The following MAP4K2 variants were observed in gnomAD, a reference collection of about 807,000 sequenced individuals.
The protein encoded by MAP4K2 is mitogen-activated protein kinase kinase kinase kinase 2.
In MAP4K2, 85 loss-of-function variants were observed where a neutral mutation model predicts 125.3. The ratio of observed to expected loss-of-function variants is 0.68; its 90% CI spans 0.57 to 0.81. The LOEUF is 0.81. Ranked by LOEUF, MAP4K2 falls within the 40% of genes least tolerant of loss-of-function variation. The pLI is 0.00. For missense variants in MAP4K2, 923 were observed against 1,056.4 expected (o/e 0.87, Z 1.75); for synonymous variants, 479 against 445.1 (o/e 1.08, Z -0.96).
Position 64,800,772 on chromosome 11 carries a change from C to A in MAP4K2, c.717G>T (p.Lys239Asn). 6.2e-7 allele frequency: 1 copy of A among 1,606,304 alleles called. No individual in the cohort carries two copies. Among genetic ancestry groups the A allele is most frequent in the Non-Finnish European group, 8.5e-7 (1 of 1,176,454 alleles). ...CAGGGTGTGGCCCTTACCAGCGAGT[C>A]TTATCTCTCAGTTTGGGCGGCTGGA... ...SSFQPPKLRD[K>N]TRWTQNFHHF... The change falls in exon 10 of 32, where the codon AAG becomes AAT. Residue 239 changes from lysine (K) to asparagine (N), a missense_variant. By Grantham distance (94) the Lys-to-Asn change is moderately conservative. Around this residue, in one of 2 missense-constraint regions of MAP4K2, gnomAD observed 833 missense variants for 911.4 expected, o/e 0.91. Coordinates refer to ENST00000294066, the MANE Select transcript of MAP4K2 (RefSeq NM_004579.5).
chr11:64,801,482 CAAAG>C lies in MAP4K2; in HGVS notation c.457+93_457+96del. 7 of 1,390,978 alleles carry C rather than the reference CAAAG, an allele frequency of 5.0e-6. No individual in the cohort carries two copies. The South Asian group carries it at 8.6e-5, about 17-fold the overall frequency. 86.2% of individuals were successfully genotyped at this position (1,390,978 alleles called of 1,614,324 possible). A position where few individuals can be genotyped will look rare whatever the true frequency, so the allele number is the denominator to read the frequency against. On this transcript the variant is annotated intron_variant, in intron 7 of 31. Coordinates refer to ENST00000294066, the MANE Select transcript of MAP4K2 (RefSeq NM_004579.5). ...AGCAGGGAAACTGAGACTCAAGTGG[CAAAG>C]TGACTTGCCCAGTGACACCCAACCC...
In MAP4K2 at chr11:64,797,103, C is replaced by T; in HGVS notation, c.1365+1G>A. The T allele has an allele frequency of 1.2e-6, 2 of 1,614,178 alleles. No individual in the cohort carries two copies. The highest frequency in any genetic ancestry group is 2.2e-5 in the East Asian group (1 of 44,884). ...CCCACCCCACTGTAGCACCCTCTTA[C>T]CTCAGGATCCTCCCGCTGCTTCATG... On this transcript the variant is annotated splice_donor_variant, in intron 19 of 31. Coordinates refer to ENST00000294066, the MANE Select transcript of MAP4K2 (RefSeq NM_004579.5). LOFTEE classifies it high-confidence loss of function.
At chr11:64,793,826 G>A (rs2136040795) in intron 24 of MAP4K2, among the ~76,000 whole-genome samples, 1 of 152,318 alleles carries the variant, frequency 6.6e-6, no homozygotes, top group East Asian at 1.9e-4. Context: ...CCGAACACAA[G>A]CTCAAAGCTG....
At chr11:64,797,962 C>A (rs1258020256) in intron 15 of MAP4K2, among the ~76,000 whole-genome samples, 1 of 151,456 alleles carries the variant, frequency 6.6e-6, no homozygotes, top group Non-Finnish European at 1.5e-5. Flanking sequence ...ACCTCGGCCT[C>A]CCAAAGTGCT....
At chr11:64,791,402 G>A (rs1284346765) in intron 27 of MAP4K2, among the ~76,000 whole-genome samples, 1 of 152,122 alleles carries the variant, frequency 6.6e-6, no homozygotes, top group Non-Finnish European at 1.5e-5. Context: ...TTTGTTTTGA[G>A]ATAGGGTCTC....
At chr11:64,792,720 C>T (rs1037624274) in intron 24 of MAP4K2, among the ~76,000 whole-genome samples, 1 of 152,086 alleles carries the variant, frequency 6.6e-6, no homozygotes, top group Non-Finnish European at 1.5e-5. Context: ...GCCTCAGTTT[C>T]GTCATCTGTA....
At chr11:64,798,644 A>G (rs774654535) in intron 15 of MAP4K2, 150 bp downstream of exon 15, 21 of 749,632 alleles carry the variant, frequency 2.8e-5, no homozygotes, top group South Asian at 1.8e-4. Context: ...CATGTTGGCA[A>G]AGCTGGTCTT....
chr11:64,794,895 T>C (rs1017109928), intron 24 of MAP4K2, among the ~76,000 whole-genome samples: 1 of 151,854 alleles, frequency 6.6e-6, no homozygotes, highest in Non-Finnish European at 1.5e-5. Context: ...TTTCCCTTTT[T>C]CTTTTTTTTG....
intron 4 of MAP4K2, 116 bp from the exon 5 acceptor site, chr11:64,802,237 T>C (rs761626789): frequency 9.0e-6 from 10 of 1,105,652 alleles, no homozygotes; most frequent in African/African-American, 1.5e-5. Context: ...GTTGGCCACG[T>C]CCCCTCCCAG....
At chr11:64,802,311 G>A in intron 4 of MAP4K2, 108 bp downstream of exon 4, 1 of 1,214,702 alleles carries the variant, frequency 8.2e-7, no homozygotes, top group South Asian at 1.4e-5. Flanking sequence ...CAGCCAGGCA[G>A]GAGTGGAGAG....
At chr11:64,793,968 G>C (rs1467111858) in intron 24 of MAP4K2, among the ~76,000 whole-genome samples, 1 of 152,168 alleles carries the variant, frequency 6.6e-6, no homozygotes, top group African/African-American at 2.4e-5. Flanking sequence ...TGAGCACGTT[G>C]CAGGAAGGGG....
intron 24 of MAP4K2, 141 bp from the exon 25 acceptor site, chr11:64,792,563 CA>C (rs1316143014): frequency 1.4e-6 from 1 of 714,114 alleles, no homozygotes; most frequent in Non-Finnish European, 2.3e-6. Flanking sequence ...TAACTTGCCC[CA>C]AGAACAGCTG....
chr11:64,789,838 GA>G, intron 30 of MAP4K2, 50 bp downstream of exon 30: 1 of 1,613,786 alleles, frequency 6.2e-7, no homozygotes, highest in South Asian at 1.1e-5. Context: ...CCTTTCCAAA[GA>G]GGTAGGGACC....
rs150751565 is a variant in MAP4K2, at chr11:64,800,333, G to T, written c.785C>A (p.Pro262Gln). Residue 262 changes from proline to glutamine, a missense_variant, in exon 11 of 32, where the codon CCG becomes CAG. Transcript: ENST00000294066. ...LALTKNPKKR[P>Q]TAEKLLQHPF... ...CACCTGCAGGAGCTTCTCTGCTGTC[G>T]GCCTCTTCTTAGGATTCTTGGTCAG... 1.1e-5 allele frequency: 17 copies of T among 1,614,064 alleles called. No homozygotes were observed. The Middle Eastern group carries it at 2.8e-3, about 266-fold the overall frequency.
At position 64,803,101 on chromosome 11, in the gene MAP4K2, C is replaced by G; in HGVS notation, c.49G>C (p.Glu17Gln). 1 of 1,596,826 alleles carries G rather than the reference C, an allele frequency of 6.3e-7. No individual in the cohort carries two copies. Among genetic ancestry groups the G allele is most frequent in the Non-Finnish European group, 8.5e-7 (1 of 1,176,726 alleles). The change falls in exon 1 of 32, where the codon GAG becomes CAG. Residue 17 changes from glutamate to glutamine, a missense_variant. This residue lies in a region of MAP4K2 where 833 missense variants were observed against 911.4 expected (regional missense o/e 0.91). Transcript: ENST00000294066. ...VSLQDPRDRF[E>Q]LLQRVGAGTY... Reference sequence around the variant, plus strand: ...CCGGCCCCCACGCGCTGCAGCAGCTCGAAGCGGTCCCGCGGGTCCTGCAGC... The same window carrying G: ...CCGGCCCCCACGCGCTGCAGCAGCTGGAAGCGGTCCCGCGGGTCCTGCAGC...
rs1273260897 is a variant in MAP4K2 at position 64,792,069 on chromosome 11, C to G, written c.1932G>C (p.Leu644=). The change falls in exon 27 of 32, where the codon CTG becomes CTC. Residue 644 remains leucine (L), a synonymous_variant. Transcript: ENST00000294066. ...FLLLKNFSSP[L]PSPAGMLEPL... ...GCTCCAGCATCCCAGCTGGGCTGGG[C>G]AGAGGGCTGGAGAAGTTCTAGGGGG... The G allele has an allele frequency of 1.9e-6, 3 of 1,588,768 alleles. No individual in the cohort carries two copies. Among genetic ancestry groups the G allele is most frequent in the African/African-American group, 1.3e-5 (1 of 74,496 alleles).
intron 6 of MAP4K2, 36 bp from the exon 7 acceptor site, chr11:64,801,657 C>T (rs1033866222): frequency 2.5e-6 from 4 of 1,613,818 alleles, no homozygotes; most frequent in South Asian, 1.1e-5. Context: ...CCATCTGGTG[C>T]CCCCGAGGGC....
At chr11:64,802,045 G>T in intron 5 of MAP4K2, 21 bp downstream of exon 5, 1 of 1,608,312 alleles carries the variant, frequency 6.2e-7, no homozygotes, top group East Asian at 2.2e-5. Flanking sequence ...AGAGGTGTGG[G>T]CACCTCACAG....
rs1940293134 is a variant in MAP4K2, at chr11:64,788,431, C to T, written c.*1106G>A. ...CTGGGGCAAAAGAGGATGCCCAGCC[C>T]TGGGGGCCCTGGCATTCAGAGCTGA... On this transcript the variant is annotated 3_prime_UTR_variant, in exon 32 of 32. Transcript: ENST00000294066. 1 of 152,404 alleles carries T rather than the reference C, an allele frequency of 6.6e-6. No individual in the cohort carries two copies. The highest frequency in any genetic ancestry group is 1.5e-5 in the Non-Finnish European group (1 of 68,172). The allele number at this position is 152,404 out of a possible 1,614,324, so 9.4% of individuals were successfully genotyped here.
Sources: gnomAD v4.1 joint callset for allele counts (sites outside exome capture counted in the v4.1 genomes callset) on GRCh38, gnomAD v4.1.1 for gene constraint, gnomAD v4.1.1 regional missense constraint, MANE v1.5 for transcripts, NCBI Gene and HGNC (gene_info 2026-07-23, HGNC 2026-07-21) for gene names.